The following SS18 variants were observed in gnomAD, a reference collection of about 807,000 sequenced individuals.
The protein encoded by SS18 is SS18 subunit of BAF chromatin remodeling complex, also known as protein SSXT.
In SS18, 28 loss-of-function variants were observed where a neutral mutation model predicts 72.5. The ratio of observed to expected loss-of-function variants is 0.39; its 90% confidence interval spans 0.29 to 0.53. The LOEUF (loss-of-function observed/expected upper bound fraction) is 0.53. SS18 is among the 20% of genes least tolerant of loss of function. SS18 has a pLI of 0.76. For synonymous variants in SS18, 172 were observed against 164.2 expected, an observed-to-expected ratio of 1.05 and a Z score of -0.37; for missense variants, 518 against 535.3, an observed-to-expected ratio of 0.97 and a Z score of 0.32.
chr18:26,018,515 T>C (rs1567982885), intron 10 of SS18, 135 bp from the exon 11 acceptor site: 1 of 575,776 alleles, frequency 1.7e-6, no homozygotes, highest in Non-Finnish European at 3.0e-6. Flanking sequence ...AATTTTTTTA[T>C]ATCGTTAGGT....
intron 4 of SS18, 96 bp from the exon 5 acceptor site, chr18:26,052,941 T>A: frequency 1.1e-6 from 1 of 928,388 alleles, no homozygotes; most frequent in Non-Finnish European, 1.7e-6. Flanking sequence ...ATTATTATAG[T>A]AATACCAAAC....
Position 26,035,001 on chromosome 18 carries a change from T to C in SS18, c.1096+4A>G, listed in dbSNP as rs1186699934. The C allele has an allele frequency of 1.9e-6, 3 of 1,612,814 alleles. No homozygotes were observed. Among genetic ancestry groups the C allele is most frequent in the South Asian group, 1.1e-5 (1 of 91,010 alleles). On this transcript the variant is annotated splice_donor_region_variant and intron_variant, in intron 9 of 10. Coordinates refer to ENST00000415083, the MANE Select transcript of SS18 (RefSeq NM_001007559.3). The surrounding 1 kb of genome is among the most constrained non-coding windows in gnomAD (Gnocchi z 4.4). ...TGATAAAAATACACTGTACAAAGCT[T>C]TACCGTAGCCCTGCTGCTGTCCTGG...
chr18:26,070,224 A>G (rs2072661692), intron 3 of SS18, among the ~76,000 whole-genome samples: 1 of 152,232 alleles, frequency 6.6e-6, no homozygotes, highest in Admixed American at 6.5e-5. Flanking sequence ...GAAAGTAAAC[A>G]CCAACTGAGA....
chr18:26,085,730 T>C (rs1458802969), intron 2 of SS18, among the ~76,000 whole-genome samples: 1 of 152,172 alleles, frequency 6.6e-6, no homozygotes, highest in Non-Finnish European at 1.5e-5. Context: ...CACAAACTTA[T>C]ACTTTATAAT....
At position 26,033,015 on chromosome 18, in the gene SS18, C is replaced by T. The variant is rs2053569424; in HGVS notation, c.1097-483G>A. On this transcript the variant is annotated intron_variant, in intron 9 of 10. Transcript: ENST00000415083. ...CAATCACCAAAAGTATATGTCTATA[C>T]TATGCATTGACAAATTTGTTACCAA... Among the ~76,000 whole-genome samples the T allele has an allele frequency of 2.6e-5, 4 of 152,128 alleles. No individual in the cohort carries two copies. In the South Asian group the frequency reaches 8.3e-4, roughly 32 times the overall value.
At position 26,035,920 on chromosome 18, in the gene SS18, T is replaced by C; in HGVS notation, c.884A>G (p.His295Arg). ...CGGTTGCTGATAACCGTAATCATTA[T>C]GACCTACATCAATTCGACAAGAGAC... ...GMNQQYYPDG[H>R]NDYGYQQPSY... Residue 295 changes from histidine (H) to arginine (R), a missense_variant, in exon 8 of 11, where the codon CAT (histidine) becomes CGT (arginine). By Grantham distance (29) the His-to-Arg change is conservative. Transcript: ENST00000415083. This position sits in a 1 kb window ranked among gnomAD's most constrained non-coding sequence, Gnocchi z 4.4. 6.3e-7 allele frequency: 1 copy of C among 1,595,728 alleles called. No individual in the cohort carries two copies. The highest frequency in any genetic ancestry group is 8.6e-7 in the Non-Finnish European group (1 of 1,168,532).
intron 10 of SS18, among the ~76,000 whole-genome samples, chr18:26,032,145 G>C (rs1206779291): frequency 6.6e-6 from 1 of 152,048 alleles, no homozygotes; most frequent in Non-Finnish European, 1.5e-5. Context: ...AAGAGGGGGA[G>C]AGAGAGAGAC....
intron 10 of SS18, among the ~76,000 whole-genome samples, chr18:26,031,435 A>G (rs2053540486): frequency 6.6e-6 from 1 of 152,186 alleles, no homozygotes. Context: ...ACTGCATATT[A>G]AAGACAGTTC....
chr18:26,059,664 T>C (rs1349092218), intron 3 of SS18, among the ~76,000 whole-genome samples: 2 of 152,182 alleles, frequency 1.3e-5, no homozygotes, highest in Admixed American at 1.3e-4. Flanking sequence ...AGATCAGCCC[T>C]AAAAAGTCTT....
chr18:26,053,384 T>G (rs1204856369), intron 4 of SS18, among the ~76,000 whole-genome samples: 2 of 149,930 alleles, frequency 1.3e-5, no homozygotes, highest in African/African-American at 5.0e-5. Context: ...GAAGAAACCA[T>G]AAAAGAATTT....
At chr18:26,037,628 C>T (rs1180309179) in intron 7 of SS18, among the ~76,000 whole-genome samples, 2 of 152,036 alleles carry the variant, frequency 1.3e-5, no homozygotes, top group African/African-American at 4.8e-5. Context: ...TGCTAGCTTA[C>T]ATGGGCTGCT....
chr18:26,033,322 T>G (rs1288241773), intron 9 of SS18, among the ~76,000 whole-genome samples: 2 of 152,160 alleles, frequency 1.3e-5, no homozygotes, highest in Non-Finnish European at 2.9e-5. Context: ...GAGACCAGCC[T>G]GACCAATATG....
chr18:26,044,790 C>T (rs1271230595), intron 5 of SS18, among the ~76,000 whole-genome samples: 2 of 151,872 alleles, frequency 1.3e-5, no homozygotes, highest in African/African-American at 4.8e-5. Flanking sequence ...GGTAAAGGAT[C>T]GAGATTGGAG....
At chr18:26,054,388 A>G (rs2053978101) in intron 4 of SS18, among the ~76,000 whole-genome samples, 1 of 152,170 alleles carries the variant, frequency 6.6e-6, no homozygotes. Flanking sequence ...TATGCTAGAG[A>G]TATACAAATT....
At chr18:26,054,263 A>C (rs2053975244) in intron 4 of SS18, among the ~76,000 whole-genome samples, 1 of 152,204 alleles carries the variant, frequency 6.6e-6, no homozygotes, top group South Asian at 2.1e-4. Context: ...TGGATGTGAA[A>C]TTCATAAATG....
intron 10 of SS18, among the ~76,000 whole-genome samples, chr18:26,022,928 C>G (rs1228777690): frequency 6.6e-6 from 1 of 152,136 alleles, no homozygotes; most frequent in East Asian, 1.9e-4. Flanking sequence ...GGGCATTGGG[C>G]AAAACACCCA....
chr18:26,084,258 GATAA>G (rs1462825899), intron 2 of SS18: 1 of 152,122 alleles, frequency 6.6e-6, no homozygotes, highest in Non-Finnish European at 1.5e-5. Flanking sequence ...TCCATTTAGA[GATAA>G]ATAAGTGAAG....
intron 2 of SS18, among the ~76,000 whole-genome samples, chr18:26,080,901 A>G (rs781219596): frequency 2.6e-5 from 4 of 152,162 alleles, no homozygotes; most frequent in Admixed American, 6.5e-5. Context: ...ATTCCCTCAT[A>G]TAACAGGACA....
intron 9 of SS18, among the ~76,000 whole-genome samples, chr18:26,033,293 C>T (rs967806060): frequency 6.6e-6 from 1 of 152,154 alleles, no homozygotes; most frequent in African/African-American, 2.4e-5. Context: ...GTGGGAGGAT[C>T]ACCTGAGGTC....
Sources: gnomAD v4.1 joint callset for allele counts (sites outside exome capture counted in the v4.1 genomes callset) on GRCh38, gnomAD v4.1.1 for gene constraint, Gnocchi (gnomAD v3.1) non-coding constraint, MANE v1.5 for transcripts, NCBI Gene and HGNC (gene_info 2026-07-23, HGNC 2026-07-21) for gene names.